The following MID1 variants were observed in gnomAD, a reference collection of about 807,000 sequenced individuals.
MID1 encodes the protein midline 1.
Under a neutral mutation model 40.4 loss-of-function variants are expected in MID1, and 7 were observed. That is an observed-to-expected ratio of 0.17 (90% CI 0.10 to 0.33). The LOEUF is 0.33. Ranked by LOEUF, MID1 falls within the 10% of genes least tolerant of loss-of-function variation. MID1 has a pLI of 1.00. For missense variants in MID1, 367 were observed against 558.5 expected (o/e 0.66, Z 3.46); for synonymous variants, 229 against 221.2 (o/e 1.04, Z -0.31).
At chrX:10,605,931 A>T (rs1394672691) in intron 1 of MID1, among the ~76,000 whole-genome samples, 1 of 111,295 alleles carries the variant, frequency 9.0e-6, no homozygotes, top group African/African-American at 3.3e-5. Context: ...TTCCTGAGAC[A>T]GGAATGCCTC....
chrX:10,567,068 A>G lies in MID1; in HGVS notation c.480T>C (p.Arg160=). Residue 160 remains arginine, a synonymous_variant, in exon 2 of 10, where the codon CGT becomes CGC. Transcript: ENST00000317552. ...GAGAGTCCGGAATTGGCTCAATCAG[A>G]CGATGGCCTGTAAAGGGCTTCTTAT... is the stretch of plus-strand genomic sequence containing the variant. ...HPNKKPFTGH[R]LIEPIPDSHI... 8.3e-7 allele frequency: 1 copy of G among 1,211,618 alleles called. No homozygotes were observed. The highest frequency in any genetic ancestry group is 1.1e-6 in the Non-Finnish European group (1 of 895,502).
chrX:10,575,443 A>G (rs1207676195), intron 1 of MID1, among the ~76,000 whole-genome samples: 1 of 112,055 alleles, frequency 8.9e-6, no homozygotes, highest in African/African-American at 3.2e-5. Flanking sequence ...TCAACTCAAA[A>G]ACTTGTCTAA....
intron 3 of MID1, among the ~76,000 whole-genome samples, chrX:10,515,516 A>G (rs1237380072): frequency 2.0e-4 from 22 of 112,527 alleles, no homozygotes; most frequent in Admixed American, 9.4e-5. Flanking sequence ...AAACAACAAC[A>G]AAGATAGATT....
intron 1 of MID1, among the ~76,000 whole-genome samples, chrX:10,586,873 G>C (rs1192584681): frequency 8.9e-6 from 1 of 112,651 alleles, no homozygotes; most frequent in Non-Finnish European, 1.9e-5. Flanking sequence ...CTGACACATA[G>C]GGTGTAAAGG....
At chrX:10,732,143 C>A (rs904237815) in intron 1 of MID1, among the ~76,000 whole-genome samples, 1 of 110,830 alleles carries the variant, frequency 9.0e-6, no homozygotes, top group Non-Finnish European at 1.9e-5. Context: ...AGGTCAGGAA[C>A]AAGGCAAGAA....
chrX:10,644,851 C>G (rs1309601856), intron 1 of MID1, among the ~76,000 whole-genome samples: 1 of 111,826 alleles, frequency 8.9e-6, no homozygotes, highest in Non-Finnish European at 1.9e-5. Context: ...AGTATGTATC[C>G]AAAGCCCAGT....
intron 1 of MID1, among the ~76,000 whole-genome samples, chrX:10,578,456 A>G (rs1358109923): frequency 1.8e-5 from 2 of 112,329 alleles, no homozygotes; most frequent in Non-Finnish European, 3.8e-5. Context: ...TCCACCCCTC[A>G]AGAGAAAATG....
At chrX:10,562,612 C>T (rs1296895216) in intron 2 of MID1, among the ~76,000 whole-genome samples, 1 of 104,719 alleles carries the variant, frequency 9.5e-6, no homozygotes, top group East Asian at 2.8e-4. Context: ...AACAGAAAGA[C>T]ACATTTTAAA....
chrX:10,775,800 A>AC (rs762121180), intron 1 of MID1, among the ~76,000 whole-genome samples: 1 of 111,343 alleles, frequency 9.0e-6, no homozygotes, highest in Non-Finnish European at 1.9e-5. Context: ...TTGATTGAAA[A>AC]CCAGGTGACC....
chrX:10,475,162 C>A (rs1602273101), intron 5 of MID1: 1 of 331,818 alleles, frequency 3.0e-6, no homozygotes, highest in East Asian at 9.7e-5. Flanking sequence ...CAACCCTGAT[C>A]CACTTCAAAG....
intron 1 of MID1, among the ~76,000 whole-genome samples, chrX:10,587,237 T>C (rs948302011): frequency 5.3e-5 from 6 of 112,749 alleles, no homozygotes; most frequent in Admixed American, 9.3e-5. Flanking sequence ...CTCCAGTTAT[T>C]CGGCAGAGTG....
Position 10,449,691 on chromosome X carries a change from A to C in MID1, c.1681T>G (p.Ser561Ala). Residue 561 changes from serine to alanine, a missense_variant, in exon 10 of 10, where the codon TCA (serine) becomes GCA (alanine). Around this residue, in one of 3 missense-constraint regions of MID1, gnomAD observed 275 missense variants for 383.1 expected, o/e 0.72. Transcript: ENST00000317552. ...CCAATCCATTCATGCTTCGGGGCTG[A>C]TTTGTAAGCAAGACCAATGGCATAC... ...TWYAIGLAYK[S>A]APKHEWIGKN... 8.3e-7 allele frequency: 1 copy of C among 1,210,658 alleles called. No individual in the cohort carries two copies. The highest frequency in any genetic ancestry group is 1.1e-6 in the Non-Finnish European group (1 of 894,690).
At chrX:10,602,324 T>C (rs1265055476) in intron 1 of MID1, among the ~76,000 whole-genome samples, 1 of 108,869 alleles carries the variant, frequency 9.2e-6, no homozygotes, top group Non-Finnish European at 1.9e-5. Context: ...TTTATTGAGA[T>C]ACAATTCACA....
chrX:10,467,815 A>G (rs1929467392), intron 7 of MID1, among the ~76,000 whole-genome samples: 1 of 111,893 alleles, frequency 8.9e-6, no homozygotes, highest in Admixed American at 9.5e-5. Flanking sequence ...AGCTAGGCCA[A>G]TATAGGTTTG....
intron 1 of MID1, among the ~76,000 whole-genome samples, chrX:10,826,459 C>A (rs1014457321): frequency 1.8e-5 from 2 of 111,879 alleles, no homozygotes; most frequent in South Asian, 7.5e-4. Flanking sequence ...CTGCAAAAAC[C>A]GCGATTACTT....
intron 1 of MID1, among the ~76,000 whole-genome samples, chrX:10,705,618 C>T (rs1254380892): frequency 8.9e-6 from 1 of 112,195 alleles, no homozygotes; most frequent in Non-Finnish European, 1.9e-5. Flanking sequence ...TCAGCCACTA[C>T]ACTGAGCATT....
Position 10,482,621 on chromosome X carries a change from C to G in MID1, c.872G>C (p.Arg291Thr). 8.3e-7 allele frequency: 1 copy of G among 1,210,226 alleles called. No homozygotes were observed. The highest frequency in any genetic ancestry group is 1.1e-6 in the Non-Finnish European group (1 of 895,221). The change falls in exon 5 of 10, where the codon AGG becomes ACG. Residue 291 changes from arginine to threonine, a missense_variant. Around this residue, in one of 3 missense-constraint regions of MID1, gnomAD observed 275 missense variants for 383.1 expected, o/e 0.72. Coordinates refer to ENST00000317552, the MANE Select transcript of MID1 (RefSeq NM_000381.4). Reference protein sequence around the residue: ...GTKIKEGKVMRLRKLAQQIAN... With the variant: ...GTKIKEGKVMTLRKLAQQIAN... ...AATCTGCTGAGCCAGTTTGCGAAGC[C>G]TCATCACCTTGAACAAAAGAGGCAT... is the stretch of plus-strand genomic sequence containing the variant.
intron 1 of MID1, among the ~76,000 whole-genome samples, chrX:10,606,035 A>G (rs758004388): frequency 8.9e-6 from 1 of 112,023 alleles, no homozygotes. Context: ...CAGTGAGTTC[A>G]TGATAACTAC....
chrX:10,603,946 G>A (rs1357275879), intron 1 of MID1, among the ~76,000 whole-genome samples: 1 of 111,574 alleles, frequency 9.0e-6, no homozygotes, highest in Non-Finnish European at 1.9e-5. Flanking sequence ...TAAGGAACCC[G>A]GCTGGGGAGA....
Sources: gnomAD v4.1 joint callset for allele counts (sites outside exome capture counted in the v4.1 genomes callset) on GRCh38, gnomAD v4.1.1 for gene constraint, gnomAD v4.1.1 regional missense constraint, MANE v1.5 for transcripts, NCBI Gene and HGNC (gene_info 2026-07-23, HGNC 2026-07-21) for gene names.